The following DGKH variants were observed in gnomAD, a reference collection of about 807,000 sequenced individuals.
DGKH encodes the protein DAG kinase eta.
Under a neutral mutation model 159.3 loss-of-function variants are expected in DGKH, and 90 were observed. The observed-to-expected ratio is 0.57, with a 90% CI of 0.48 to 0.67. The LOEUF is 0.67. DGKH is among the 30% of genes least tolerant of loss of function. The pLI is 0.00. For missense variants in DGKH, 1,181 were observed against 1,506.1 expected (o/e 0.78, Z 3.57); for synonymous variants, 536 against 553.8 (o/e 0.97, Z 0.45).
intron 13 of DGKH, among the ~76,000 whole-genome samples, 172 bp from the exon 14 acceptor site, chr13:42,186,877 G>A (rs1222404889): frequency 1.3e-5 from 2 of 152,220 alleles, no homozygotes; most frequent in Non-Finnish European, 2.9e-5. Context: ...CACTTAGAAT[G>A]TCTTGGACTT....
chr13:42,193,690 G>T (rs1162207718), intron 16 of DGKH, among the ~76,000 whole-genome samples: 1 of 152,170 alleles, frequency 6.6e-6, no homozygotes, highest in Non-Finnish European at 1.5e-5. Flanking sequence ...GTTTTTATGA[G>T]AAATTAGCCC....
intron 1 of DGKH, among the ~76,000 whole-genome samples, chr13:42,124,235 A>G (rs1454690899): frequency 6.6e-6 from 1 of 152,138 alleles, no homozygotes; most frequent in East Asian, 1.9e-4. Context: ...ATAAATCTGA[A>G]TATTTTTGGT....
chr13:42,179,376 T>G (rs1044416870), intron 13 of DGKH, among the ~76,000 whole-genome samples: 1 of 152,240 alleles, frequency 6.6e-6, no homozygotes, highest in African/African-American at 2.4e-5. Context: ...CATCTGTAAC[T>G]TTATTGCTTA....
chr13:42,197,069 G>T (rs1276628166), intron 17 of DGKH, among the ~76,000 whole-genome samples: 3 of 151,966 alleles, frequency 2.0e-5, no homozygotes, highest in African/African-American at 7.2e-5. Context: ...GGCTAACATG[G>T]TGAAACCCCG....
intron 1 of DGKH, among the ~76,000 whole-genome samples, chr13:42,059,529 C>T (rs956528096): frequency 1.3e-5 from 2 of 152,086 alleles, no homozygotes; most frequent in Non-Finnish European, 1.5e-5. Flanking sequence ...GGATTACAGG[C>T]GTGACCCACC....
chr13:42,221,886 CT>C (rs1957983431), intron 29 of DGKH, among the ~76,000 whole-genome samples: 1 of 152,102 alleles, frequency 6.6e-6, no homozygotes, highest in Admixed American at 6.6e-5. Context: ...CTAAGTCAGC[CT>C]TTTTTAGGTC....
chr13:42,243,101 A>G (rs1958544956), downstream of DGKH, among the ~76,000 whole-genome samples: 1 of 152,208 alleles, frequency 6.6e-6, no homozygotes, highest in Non-Finnish European at 1.5e-5. Context: ...TAAGGTCACA[A>G]TGCTGAACAG....
chr13:42,191,489 C>T (rs1173190122), intron 16 of DGKH, among the ~76,000 whole-genome samples: 2 of 151,884 alleles, frequency 1.3e-5, no homozygotes, highest in Non-Finnish European at 2.9e-5. Context: ...CCCCCTGAAT[C>T]TAAAATAAAA....
chr13:42,120,422 C>T (rs947270531), intron 1 of DGKH, among the ~76,000 whole-genome samples: 2 of 152,102 alleles, frequency 1.3e-5, no homozygotes, highest in East Asian at 1.9e-4. Context: ...TTCAAACTTT[C>T]GAATTAGGAA....
Position 42,129,647 on chromosome 13 carries a change from T to G in DGKH, c.384+15T>G. On this transcript the variant is annotated intron_variant, in intron 3 of 29. Coordinates refer to ENST00000337343, the MANE Select transcript of DGKH (RefSeq NM_178009.5). ...ACAGCTTCACGGTATGGTTATATTC[T>G]GCTAACTCCCTTCTCAAAAGTTATA... 6.2e-7 allele frequency: 1 copy of G among 1,605,890 alleles called. No homozygotes were observed.
At chr13:42,200,685 C>A (rs1957327017) in intron 20 of DGKH, among the ~76,000 whole-genome samples, 1 of 152,062 alleles carries the variant, frequency 6.6e-6, no homozygotes, top group Non-Finnish European at 1.5e-5. Flanking sequence ...GGGTGTTATC[C>A]AAACACTGGA....
chr13:42,101,135 C>G (rs971112116), intron 1 of DGKH, among the ~76,000 whole-genome samples: 1 of 152,222 alleles, frequency 6.6e-6, no homozygotes, highest in African/African-American at 2.4e-5. Context: ...ATTCCTGTCT[C>G]CTTCCTTCTG....
intron 1 of DGKH, among the ~76,000 whole-genome samples, chr13:42,042,909 A>T (rs932098114): frequency 5.3e-5 from 8 of 152,238 alleles, no homozygotes; most frequent in Non-Finnish European, 1.2e-4. Flanking sequence ...AATTTATCCA[A>T]ATTACTAAAA....
At chr13:42,215,513 T>A in intron 25 of DGKH, 62 bp from the exon 26 acceptor site, 1 of 1,249,280 alleles carries the variant, frequency 8.0e-7, no homozygotes. Context: ...ATTTAAAGTG[T>A]TTATGGTAAT....
In DGKH at chr13:42,234,808, A is replaced by G. The variant is rs927925952; in HGVS notation, c.*5620A>G. 1.3e-5 allele frequency: 2 copies of G among 152,072 alleles called. No homozygotes were observed. Among genetic ancestry groups the G allele is most frequent in the African/African-American group, 2.4e-5 (1 of 41,398 alleles). 9.4% of individuals were successfully genotyped at this position (152,072 alleles called of 1,614,324 possible). A position where few individuals can be genotyped will look rare whatever the true frequency, so the allele number is the denominator to read the frequency against. ...ATGATGTCTGGGGCTTGTCTCTTCT[A>G]TGGCATCCCCTGATTGACTTTTGTA... On this transcript the variant is annotated 3_prime_UTR_variant, in exon 30 of 30. Transcript: ENST00000337343.
intron 1 of DGKH, among the ~76,000 whole-genome samples, chr13:42,095,903 GA>G (rs1316797683): frequency 6.6e-6 from 1 of 152,124 alleles, no homozygotes; most frequent in Admixed American, 6.5e-5. Context: ...TAAATTTATA[GA>G]ACAGAGTACT....
chr13:42,160,136 G>A lies in DGKH; in HGVS notation c.855G>A (p.Met285Ile). ...QDWKCLWCKTMVHTACKDLYH... is the reference protein window; with the variant it reads ...QDWKCLWCKTIVHTACKDLYH... ...GGAAATGCCTTTGGTGTAAGACAAT[G>A]GTGAGGGTTTTGGAATCAGTTCATC... The change falls in exon 7 of 30, where the codon ATG becomes ATA. Residue 285 changes from methionine to isoleucine, a missense_variant and splice_region_variant. By Grantham distance (10) the Met-to-Ile change is conservative (BLOSUM62 1). Around this residue, in one of 5 missense-constraint regions of DGKH, gnomAD observed 369 missense variants for 519.4 expected, o/e 0.71. Transcript: ENST00000337343. 6.2e-7 allele frequency: 1 copy of A among 1,614,194 alleles called. No homozygotes were observed. The highest frequency in any genetic ancestry group is 8.5e-7 in the Non-Finnish European group (1 of 1,180,044).
chr13:42,069,025 T>G lies in DGKH; in HGVS notation c.192+20060T>G, dbSNP rs1420443471. The stretch of plus-strand genomic sequence containing the variant: ...AGCTGTTAATGTGGCCTGTATTGAC[T>G]TAAGTGGTGACCCAACTGGACTGTG... On this transcript the variant is annotated intron_variant, in intron 1 of 29. Coordinates refer to ENST00000337343, the MANE Select transcript of DGKH (RefSeq NM_178009.5). The G allele has an allele frequency of 2.7e-6, 4 of 1,458,362 alleles. No homozygotes were observed. The East Asian group carries it at 9.1e-5, about 33-fold the overall frequency. 90.3% of individuals were successfully genotyped at this position (1,458,362 alleles called of 1,614,324 possible).
chr13:42,059,618 T>C (rs1593963713), intron 1 of DGKH, among the ~76,000 whole-genome samples: 1 of 152,182 alleles, frequency 6.6e-6, no homozygotes, highest in East Asian at 1.9e-4. Context: ...GTGGAAATAA[T>C]TGGCCAGGTT....
Sources: gnomAD v4.1 joint callset for allele counts (sites outside exome capture counted in the v4.1 genomes callset) on GRCh38, gnomAD v4.1.1 for gene constraint, gnomAD v4.1.1 regional missense constraint, MANE v1.5 for transcripts, NCBI Gene and HGNC (gene_info 2026-07-23, HGNC 2026-07-21) for gene names.